TPTE2: variants seen among roughly 807,000 people sequenced by gnomAD.
TPTE2 encodes phosphatidylinositol 3,4,5-trisphosphate 3-phosphatase TPTE2.
A neutral mutation model predicts 78.6 loss-of-function variants in TPTE2; 53 were observed. That is an observed-to-expected ratio of 0.67 (90% CI 0.54 to 0.85). TPTE2 has a LOEUF of 0.85. Among genes scored for constraint, TPTE2 ranks in the 40% least tolerant of loss-of-function variants. The pLI is 0.00. For synonymous variants in TPTE2, 175 were observed against 206.2 expected (o/e 0.85, Z 1.30); for missense variants, 461 against 623.0 (o/e 0.74, Z 2.77).
chr13:19,483,667 C>T (rs1258072124), intron 3 of TPTE2, among the ~76,000 whole-genome samples: 4 of 152,024 alleles, frequency 2.6e-5, no homozygotes, highest in Non-Finnish European at 4.4e-5. Flanking sequence ...TTCCTTTTAA[C>T]AATTTGGGGT....
intron 15 of TPTE2, among the ~76,000 whole-genome samples, chr13:19,434,949 A>G (rs1372278713): frequency 6.6e-6 from 1 of 152,238 alleles, no homozygotes. Context: ...GATGAGAATC[A>G]TAGTAGTGCC....
At chr13:19,533,890 C>T (rs966318516) in intron 1 of TPTE2, among the ~76,000 whole-genome samples, 52 of 152,270 alleles carry the variant, frequency 3.4e-4, no homozygotes, top group African/African-American at 1.3e-3. Flanking sequence ...CTGAACTGTT[C>T]AATAAATAGT....
intron 16 of TPTE2, among the ~76,000 whole-genome samples, chr13:19,431,561 T>C (rs1340758174): frequency 2.0e-4 from 31 of 152,336 alleles, no homozygotes; most frequent in South Asian, 4.1e-4. Flanking sequence ...TCTTTGATTG[T>C]TCATCTCATA....
At chr13:19,521,052 G>A (rs997932614) in intron 1 of TPTE2, among the ~76,000 whole-genome samples, 2 of 151,986 alleles carry the variant, frequency 1.3e-5, no homozygotes, top group African/African-American at 4.8e-5. Context: ...CACTTATAAA[G>A]ACTGTATACT....
exon 11 of TPTE2, chr13:19,451,216 G>T: frequency 1.2e-6 from 2 of 1,613,284 alleles, no homozygotes; most frequent in African/African-American, 1.3e-5. Flanking sequence ...TCTAGAAACC[G>T]CACAACTTCC....
intron 14 of TPTE2, 71 bp from the exon 18 acceptor site, chr13:19,436,377 T>C: frequency 1.5e-6 from 2 of 1,366,876 alleles, no homozygotes; most frequent in Non-Finnish European, 2.0e-6. Context: ...GTACCCTTAG[T>C]GTTTCTATGC....
intron 17 of TPTE2, among the ~76,000 whole-genome samples, chr13:19,428,712 G>A (rs1876331287): frequency 6.6e-6 from 1 of 151,056 alleles, no homozygotes; most frequent in Non-Finnish European, 1.5e-5. Context: ...CTGGGTGACA[G>A]AATGAGACCC....
chr13:19,477,949 C>T (rs1438544747), intron 4 of TPTE2, among the ~76,000 whole-genome samples: 2 of 152,088 alleles, frequency 1.3e-5, no homozygotes, highest in Admixed American at 1.3e-4. Flanking sequence ...CCTCCATGTA[C>T]CTTTCCTAAA....
At chr13:19,508,154 T>C (rs1317587740), upstream of TPTE2, among the ~76,000 whole-genome samples, 3 of 152,238 alleles carry the variant, frequency 2.0e-5, no homozygotes, top group African/African-American at 7.2e-5. Flanking sequence ...CAGGACACTT[T>C]TGAAAGGAAA....
At chr13:19,438,997 G>A (rs976122986) in intron 13 of TPTE2, among the ~76,000 whole-genome samples, 1 of 152,138 alleles carries the variant, frequency 6.6e-6, no homozygotes, top group Non-Finnish European at 1.5e-5. Context: ...CTCATTTGAG[G>A]AGAGACTTGG....
chr13:19,503,975 C>T (rs1419418245), upstream of TPTE2, among the ~76,000 whole-genome samples: 1 of 151,906 alleles, frequency 6.6e-6, no homozygotes, highest in East Asian at 1.9e-4. Flanking sequence ...CTCCTGATCT[C>T]GTGATCCACC....
At chr13:19,561,345 C>A in the TPTE2 span, 1 of 589,056 alleles carries the variant, frequency 1.7e-6, no homozygotes, top group Non-Finnish European at 2.8e-6. Flanking sequence ...CTCCTCGCGA[C>A]CGGCCTGCAG....
chr13:19,453,262 C>G (rs1878310165), intron 10 of TPTE2, among the ~76,000 whole-genome samples: 1 of 151,796 alleles, frequency 6.6e-6, no homozygotes, highest in African/African-American at 2.4e-5. Flanking sequence ...CTCCTGACCT[C>G]AGGTGATCCA....
At chr13:19,471,615 CTTA>C (rs140103791) in intron 6 of TPTE2, among the ~76,000 whole-genome samples, 16,108 of 152,120 alleles carry the variant, frequency 0.11, 965 homozygotes, top group Middle Eastern at 0.19. Context: ...CTATTTATAT[CTTA>C]TTATACCATC....
chr13:19,556,158 A>G, the TPTE2 span, among the ~76,000 whole-genome samples: 1 of 152,062 alleles, frequency 6.6e-6, no homozygotes. Flanking sequence ...AGCTGGGGAG[A>G]GGCGATTCAT....
the TPTE2 span, among the ~76,000 whole-genome samples, chr13:19,543,091 T>C: frequency 6.6e-6 from 1 of 151,872 alleles, no homozygotes; most frequent in African/African-American, 2.4e-5. Context: ...AGAGTCTTGC[T>C]CTGTCACCCA....
chr13:19,423,119 T>A, exon 20 of TPTE2: 1 of 1,612,074 alleles, frequency 6.2e-7, no homozygotes, highest in Non-Finnish European at 8.5e-7. Context: ...TTTTCCATGC[T>A]TTTTGTTTAT....
chr13:19,516,443 G>A (rs1029448867), intron 1 of TPTE2, among the ~76,000 whole-genome samples: 1 of 152,126 alleles, frequency 6.6e-6, no homozygotes, highest in African/African-American at 2.4e-5. Context: ...CTCTAAATAT[G>A]AGGCCACCAC....
At chr13:19,511,284 A>G (rs2137694798) in intron 1 of TPTE2, among the ~76,000 whole-genome samples, 1 of 152,360 alleles carries the variant, frequency 6.6e-6, no homozygotes, top group Non-Finnish European at 1.5e-5. Flanking sequence ...AGGTATGCAC[A>G]AGAAGAATAA....
Sources: allele counts gnomAD v4.1 joint callset (sites outside exome capture counted in the v4.1 genomes callset), GRCh38; gene constraint gnomAD v4.1.1; transcripts MANE v1.5; gene names NCBI Gene and HGNC (gene_info 2026-07-23, HGNC 2026-07-21).